COP1: variants seen among roughly 807,000 people sequenced by gnomAD.
The protein encoded by COP1 is E3 ubiquitin-protein ligase COP1.
COP1 carries 24 observed loss-of-function variants against 101.3 expected under a neutral mutation model. The observed-to-expected ratio is 0.24, with a 90% CI of 0.17 to 0.33. The LOEUF (loss-of-function observed/expected upper bound fraction) is 0.33. COP1 is among the 10% of genes least tolerant of loss of function. The pLI is 1.00. For synonymous variants in COP1, 347 were observed against 341.9 expected, an observed-to-expected ratio of 1.01 and a Z score of -0.17; for missense variants, 663 against 906.2, an observed-to-expected ratio of 0.73 and a Z score of 3.45.
intron 18 of COP1, among the ~76,000 whole-genome samples, chr1:175,958,885 T>C (rs148485025): frequency 6.6e-6 from 1 of 152,090 alleles, no homozygotes; most frequent in East Asian, 1.9e-4. Flanking sequence ...GTTCAGCCAA[T>C]ATTCAAGAAA....
chr1:176,158,959 G>A (rs566768703), intron 5 of COP1, among the ~76,000 whole-genome samples: 1 of 152,166 alleles, frequency 6.6e-6, no homozygotes, highest in South Asian at 2.1e-4. Flanking sequence ...TTGTAATACA[G>A]ATGAAGTAGT....
At chr1:175,983,010 T>C (rs1656238234) in intron 18 of COP1, among the ~76,000 whole-genome samples, 1 of 152,162 alleles carries the variant, frequency 6.6e-6, no homozygotes, top group Non-Finnish European at 1.5e-5. Flanking sequence ...TATTTCAATA[T>C]TGTTAAGAGA....
intron 18 of COP1, among the ~76,000 whole-genome samples, chr1:175,972,924 C>A (rs1558185388): frequency 6.6e-6 from 1 of 152,130 alleles, no homozygotes; most frequent in Non-Finnish European, 1.5e-5. Context: ...CCTCCGCCTC[C>A]CAGATTCAAG....
chr1:176,077,195 C>G (rs1291517545), intron 11 of COP1, among the ~76,000 whole-genome samples: 1 of 152,036 alleles, frequency 6.6e-6, no homozygotes, highest in African/African-American at 2.4e-5. Context: ...GGGCAAATAT[C>G]CCTCATAAAC....
chr1:176,007,699 G>T (rs1663662531), intron 15 of COP1, among the ~76,000 whole-genome samples: 1 of 152,130 alleles, frequency 6.6e-6, no homozygotes. Context: ...CAGTCTGCCT[G>T]TTCTCAGATC....
intron 18 of COP1, among the ~76,000 whole-genome samples, chr1:175,984,912 A>G (rs1558211207): frequency 1.3e-5 from 2 of 152,186 alleles, no homozygotes; most frequent in Admixed American, 1.3e-4. Flanking sequence ...CAATGCCTAT[A>G]TTCTCTTCAT....
chr1:175,951,720 C>A (rs967122663), intron 18 of COP1, among the ~76,000 whole-genome samples: 7 of 151,476 alleles, frequency 4.6e-5, no homozygotes, highest in Non-Finnish European at 8.8e-5. Context: ...AATAAAACAT[C>A]AAAAAATTTG....
chr1:175,985,183 T>C (rs981124344), intron 18 of COP1, among the ~76,000 whole-genome samples: 4 of 152,232 alleles, frequency 2.6e-5, no homozygotes, highest in African/African-American at 9.6e-5. Flanking sequence ...GTCTTTCATC[T>C]TGTAAGCATA....
At chr1:175,956,972 T>A (rs1231268716) in intron 18 of COP1, among the ~76,000 whole-genome samples, 1 of 151,972 alleles carries the variant, frequency 6.6e-6, no homozygotes, top group Non-Finnish European at 1.5e-5. Context: ...AATAAATAAA[T>A]ACATTTAAAA....
intron 9 of COP1, among the ~76,000 whole-genome samples, chr1:176,102,784 C>T (rs1450289620): frequency 6.6e-6 from 1 of 152,204 alleles, no homozygotes; most frequent in Non-Finnish European, 1.5e-5. Flanking sequence ...AGATATTTTG[C>T]AGACCCTGCA....
intron 9 of COP1, among the ~76,000 whole-genome samples, chr1:176,097,795 G>A (rs1682678471): frequency 1.3e-5 from 2 of 150,846 alleles, no homozygotes; most frequent in African/African-American, 2.4e-5. Flanking sequence ...CTTGAACATG[G>A]GAAGCGGAGG....
At chr1:176,019,231 G>A (rs1326478145) in intron 15 of COP1, among the ~76,000 whole-genome samples, 4 of 151,350 alleles carry the variant, frequency 2.6e-5, no homozygotes, top group East Asian at 2.0e-4. Context: ...TTGGGAGGCC[G>A]AGGCGGGCGG....
chr1:176,136,485 T>C lies in COP1; in HGVS notation c.891+3A>G. Reference sequence around the variant, plus strand: ...AGGATGTGAGAAATTCTTGATTCCTTACTTCCACTCTCTTAATATCCTCTT... The same window carrying C: ...AGGATGTGAGAAATTCTTGATTCCTCACTTCCACTCTCTTAATATCCTCTT... On this transcript the variant is annotated splice_donor_region_variant and intron_variant, in intron 7 of 19. Transcript: ENST00000367669. The C allele has an allele frequency of 6.3e-7, 1 of 1,586,710 alleles. No individual in the cohort carries two copies. Among genetic ancestry groups the C allele is most frequent in the Non-Finnish European group, 8.6e-7 (1 of 1,160,204 alleles).
Position 176,198,054 on chromosome 1 carries a change from ATT to A in COP1, c.407+8516_407+8517del, listed in dbSNP as rs1357688149. Among the ~76,000 whole-genome samples, 4 of 152,296 alleles carry A rather than the reference ATT, an allele frequency of 2.6e-5. No individual in the cohort carries two copies. The East Asian group carries it at 5.8e-4, about 22-fold the overall frequency. On this transcript the variant is annotated intron_variant, in intron 1 of 19. Transcript: ENST00000367669. ...CTATGTTCATGATTCAAAAGATAAT[ATT>A]AAGATGTCATCTTCCCAAATGAAAT...
intron 11 of COP1, among the ~76,000 whole-genome samples, chr1:176,049,133 T>C (rs913142512): frequency 5.5e-5 from 8 of 145,616 alleles, no homozygotes; most frequent in South Asian, 4.3e-4. Flanking sequence ...GATTGCGCCA[T>C]TGCAGTCCGC....
intron 11 of COP1, among the ~76,000 whole-genome samples, chr1:176,070,081 C>G (rs922768035): frequency 6.6e-6 from 1 of 152,172 alleles, no homozygotes; most frequent in Non-Finnish European, 1.5e-5. Flanking sequence ...ATATCCCCCA[C>G]GAACCCTGTT....
intron 3 of COP1, among the ~76,000 whole-genome samples, chr1:176,165,891 TA>T (rs1374025907): frequency 6.6e-6 from 1 of 152,064 alleles, no homozygotes; most frequent in Non-Finnish European, 1.5e-5. Flanking sequence ...GAGCATGAAA[TA>T]ATTCAGTGGG....
chr1:176,062,711 A>C (rs1675081834), intron 11 of COP1, among the ~76,000 whole-genome samples: 1 of 152,236 alleles, frequency 6.6e-6, no homozygotes. Context: ...TTTATTCATA[A>C]TAGTAACAAA....
chr1:175,996,788 A>T (rs978876844), intron 15 of COP1, among the ~76,000 whole-genome samples: 20 of 152,294 alleles, frequency 1.3e-4, no homozygotes, highest in African/African-American at 2.6e-4. Context: ...GCTCATGGGT[A>T]GGAAGAATCA....
Sources: allele counts gnomAD v4.1 joint callset (sites outside exome capture counted in the v4.1 genomes callset), GRCh38; gene constraint gnomAD v4.1.1; transcripts MANE v1.5; gene names NCBI Gene and HGNC (gene_info 2026-07-23, HGNC 2026-07-21).